TERB2: variants seen among roughly 807,000 people sequenced by gnomAD.
TERB2 encodes the protein telomere repeat binding bouquet formation protein 2.
In TERB2, 26 loss-of-function variants were observed where a neutral mutation model predicts 29.8. The ratio of observed to expected loss-of-function variants is 0.87; its 90% CI spans 0.64 to 1.21. TERB2 has a LOEUF of 1.21. Among genes scored for constraint, TERB2 ranks in the 50% most tolerant of loss-of-function variants. The pLI is 0.00. For missense variants in TERB2, 240 were observed against 268.6 expected, an observed-to-expected ratio of 0.89 and a Z score of 0.74; for synonymous variants, 80 against 90.8, an observed-to-expected ratio of 0.88 and a Z score of 0.68.
At chr15:44,969,002 T>A (rs1418473980) in intron 5 of TERB2, among the ~76,000 whole-genome samples, 3 of 152,044 alleles carry the variant, frequency 2.0e-5, no homozygotes, top group African/African-American at 7.2e-5. Context: ...TGATCATAGC[T>A]CACTGCAACC....
At chr15:44,973,132 C>T (rs757813433) in intron 5 of TERB2, among the ~76,000 whole-genome samples, 14 of 152,116 alleles carry the variant, frequency 9.2e-5, no homozygotes, top group Non-Finnish European at 1.9e-4. Flanking sequence ...CCACCTGCCT[C>T]GGCCTCCCAA....
chr15:44,965,675 A>C (rs270809), intron 4 of TERB2, among the ~76,000 whole-genome samples: 6,892 of 148,462 alleles, frequency 0.046, 533 homozygotes, highest in African/African-American at 0.16. Context: ...AGTGAAGCAA[A>C]TACTTCACTG....
chr15:44,960,352 A>G (rs950520346), intron 3 of TERB2, among the ~76,000 whole-genome samples: 1 of 152,206 alleles, frequency 6.6e-6, no homozygotes, highest in Non-Finnish European at 1.5e-5. Context: ...CTAAGAATAA[A>G]AAATAACTGG....
At chr15:44,968,708 C>G (rs1891924807) in intron 5 of TERB2, among the ~76,000 whole-genome samples, 1 of 149,726 alleles carries the variant, frequency 6.7e-6, no homozygotes, top group African/African-American at 2.5e-5. Context: ...GAGAGATCCT[C>G]CCTCCTCAGC....
intron 4 of TERB2, among the ~76,000 whole-genome samples, chr15:44,962,021 C>T (rs12913288): frequency 0.17 from 25,072 of 151,796 alleles, 2,548 homozygotes; most frequent in East Asian, 0.34. Flanking sequence ...ATTTAAAGGG[C>T]ATGCTGTTAT....
chr15:44,965,388 G>A (rs1891869963), intron 4 of TERB2, among the ~76,000 whole-genome samples: 1 of 144,486 alleles, frequency 6.9e-6, no homozygotes, highest in East Asian at 2.0e-4. Flanking sequence ...AATATAATTT[G>A]TTCAGCTTTC....
chr15:44,977,557 G>C (rs1477941676), intron 6 of TERB2, among the ~76,000 whole-genome samples: 1 of 152,102 alleles, frequency 6.6e-6, no homozygotes, highest in African/African-American at 2.4e-5. Context: ...TATAGTAATA[G>C]TGCTTCAAGA....
At chr15:44,977,125 A>T (rs991160425) in intron 6 of TERB2, among the ~76,000 whole-genome samples, 2 of 152,170 alleles carry the variant, frequency 1.3e-5, no homozygotes, top group Non-Finnish European at 2.9e-5. Flanking sequence ...ACCCCAGAAA[A>T]AAAAACCCTA....
At chr15:44,959,636 G>A (rs1272852172) in intron 3 of TERB2, among the ~76,000 whole-genome samples, 1 of 152,136 alleles carries the variant, frequency 6.6e-6, no homozygotes, top group Non-Finnish European at 1.5e-5. Context: ...CCAAAGTGCT[G>A]GGAATACAGG....
chr15:44,959,798 G>A (rs754923025), intron 3 of TERB2, among the ~76,000 whole-genome samples: 2 of 152,078 alleles, frequency 1.3e-5, no homozygotes, highest in African/African-American at 4.8e-5. Flanking sequence ...CATACATATC[G>A]TAGATACGTG....
intron 3 of TERB2, among the ~76,000 whole-genome samples, chr15:44,961,191 G>GATATATATATATATATATATAT (rs34640759): frequency 2.2e-5 from 3 of 136,416 alleles, no homozygotes; most frequent in African/African-American, 5.3e-5. Context: ...ATACCTCAAT[G>GATATATATATATATATATATAT]ATATATATAT....
intron 3 of TERB2, 111 bp from the exon 4 acceptor site, chr15:44,961,412 T>G: frequency 1.4e-6 from 1 of 690,238 alleles, no homozygotes; most frequent in South Asian, 1.8e-5. Context: ...TTATGTGATT[T>G]TGTTGCAAAT....
chr15:44,972,887 GT>G (rs71902044), intron 5 of TERB2, among the ~76,000 whole-genome samples: 67 of 141,112 alleles, frequency 4.7e-4, no homozygotes, highest in Admixed American at 1.3e-3. Flanking sequence ...AACATCAATT[GT>G]TTTTTTTTTT....
In TERB2 at chr15:44,978,875, A is replaced by G; in HGVS notation, c.*247A>G. On this transcript the variant is annotated 3_prime_UTR_variant, in exon 7 of 7. Coordinates refer to ENST00000340827, the MANE Select transcript of TERB2 (RefSeq NM_152448.3). ...GTTGTTAATGAGTAATTGCCGTTAA[A>G]ATATATTTCATAAGAAGTCTCAATC... 1 of 274,030 alleles carries G rather than the reference A, an allele frequency of 3.6e-6. No homozygotes were observed. Among genetic ancestry groups the G allele is most frequent in the Non-Finnish European group, 6.2e-6 (1 of 160,652 alleles). 17.0% of individuals were successfully genotyped at this position (274,030 alleles called of 1,614,324 possible). A position where few individuals can be genotyped will look rare whatever the true frequency, so the allele number is the denominator to read the frequency against.
intron 6 of TERB2, among the ~76,000 whole-genome samples, chr15:44,978,000 G>A (rs1166789536): frequency 6.6e-6 from 1 of 151,980 alleles, no homozygotes; most frequent in African/African-American, 2.4e-5. Flanking sequence ...TATCTTTGTT[G>A]ACTGAGCAGT....
At chr15:44,963,521 A>C (rs923041461) in intron 4 of TERB2, among the ~76,000 whole-genome samples, 10 of 152,128 alleles carry the variant, frequency 6.6e-5, no homozygotes, top group African/African-American at 2.4e-4. Context: ...AAGAGGTATA[A>C]AAGACATTTG....
chr15:44,978,349 C>T, intron 6 of TERB2, 140 bp from the exon 7 acceptor site: 1 of 1,231,490 alleles, frequency 8.1e-7, no homozygotes. Context: ...AGAATCTTCT[C>T]ACTGGTATTA....
rs888720452 is a variant in TERB2, at chr15:44,969,102, A to G, written c.434+2859A>G. ...GTGGGCCACCACGCCTGGCTAATTA[A>G]AAAAATTAATTAGACAGGGTCTCGC... On this transcript the variant is annotated intron_variant, in intron 5 of 6. Transcript: ENST00000340827. 9.9e-5 allele frequency among the ~76,000 whole-genome samples: 15 copies of G among 151,720 alleles called. 1 individual carries two copies. Among genetic ancestry groups the G allele is most frequent in the African/African-American group, 2.9e-4 (12 of 41,292 alleles).
rs191238836 is a variant in TERB2, at chr15:44,960,187, C to T, written c.287-1336C>T. On this transcript the variant is annotated intron_variant, in intron 3 of 6. Coordinates refer to ENST00000340827, the MANE Select transcript of TERB2 (RefSeq NM_152448.3). ...CTTTGAGTTTAGCATCTTATGTTAA[C>T]ATGTATTTAAATTTTCAAAAATCTG... is the stretch of plus-strand genomic sequence containing the variant. Among the ~76,000 whole-genome samples, 177 of 152,302 alleles carry T rather than the reference C, an allele frequency of 1.2e-3. 1 individual carries two copies. The highest frequency in any genetic ancestry group is 4.2e-3 in the African/African-American group (174 of 41,570).
Sources: gnomAD v4.1 joint callset for allele counts (sites outside exome capture counted in the v4.1 genomes callset) on GRCh38, gnomAD v4.1.1 for gene constraint, MANE v1.5 for transcripts, NCBI Gene and HGNC (gene_info 2026-07-23, HGNC 2026-07-21) for gene names.